CRYGS: variants seen among roughly 807,000 people sequenced by gnomAD.
CRYGS encodes gamma-crystallin S.
Under a neutral mutation model 21.3 loss-of-function variants are expected in CRYGS, and 13 were observed. That is an observed-to-expected ratio of 0.61 (90% CI 0.40 to 0.97). The LOEUF (loss-of-function observed/expected upper bound fraction) is 0.97. Among genes scored for constraint, CRYGS ranks in the 50% least tolerant of loss-of-function variants. The pLI is 0.00. For synonymous variants in CRYGS, 67 were observed against 75.0 expected, an observed-to-expected ratio of 0.89 and a Z score of 0.55; for missense variants, 205 against 229.7, an observed-to-expected ratio of 0.89 and a Z score of 0.69.
intron 1 of CRYGS, among the ~76,000 whole-genome samples, chr3:186,541,071 G>T (rs1714054029): frequency 6.6e-6 from 1 of 151,790 alleles, no homozygotes; most frequent in Admixed American, 6.6e-5. Flanking sequence ...AGATGATGAG[G>T]GCCAACCAAA....
Position 186,538,955 on chromosome 3 carries a change from T to C in CRYGS, c.278A>G (p.Gln93Arg), listed in dbSNP as rs753732120. The C allele has an allele frequency of 4.3e-6, 7 of 1,614,064 alleles. No homozygotes were observed. The highest frequency in any genetic ancestry group is 1.3e-5 in the African/African-American group (1 of 75,028). ...CRAVHLPSGG[Q>R]YKIQIFEKGD... ...TTTCTCAAAGATCTGAATCTTATACTGGCCTCCACTAGGCTGAAAAGACAC... is the reference window on the plus strand; with the variant it reads ...TTTCTCAAAGATCTGAATCTTATACCGGCCTCCACTAGGCTGAAAAGACAC... The change falls in exon 3 of 3, where the codon CAG becomes CGG. Residue 93 changes from glutamine to arginine, a missense_variant. By Grantham distance (43) the Gln-to-Arg change is conservative (BLOSUM62 1). Transcript: ENST00000307944.
chr3:186,543,113 T>G (rs1168971234), intron 1 of CRYGS, among the ~76,000 whole-genome samples: 1 of 152,186 alleles, frequency 6.6e-6, no homozygotes, highest in Admixed American at 6.5e-5. Context: ...GAGGAAACAA[T>G]TAGACAAATC....
Position 186,538,980 on chromosome 3 carries a change from C to A in CRYGS, c.265-12G>T, listed in dbSNP as rs367680173. The A allele has an allele frequency of 6.2e-7, 1 of 1,613,742 alleles. No individual in the cohort carries two copies. Among genetic ancestry groups the A allele is most frequent in the Admixed American group, 1.7e-5 (1 of 59,990 alleles). ...TGGCCTCCACTAGGCTGAAAAGACA[C>A]AGGAGAAAATGAACAGAAACCATTA... On this transcript the variant is annotated splice_polypyrimidine_tract_variant and intron_variant, in intron 2 of 2. Coordinates refer to ENST00000307944, the MANE Select transcript of CRYGS (RefSeq NM_017541.4).
chr3:186,541,700 TG>T (rs1714071895), intron 1 of CRYGS, among the ~76,000 whole-genome samples: 1 of 152,220 alleles, frequency 6.6e-6, no homozygotes, highest in Non-Finnish European at 1.5e-5. Flanking sequence ...GTTAAGTGAT[TG>T]GCCTAATGTC....
At chr3:186,543,598 T>C (rs2108745048) in intron 1 of CRYGS, among the ~76,000 whole-genome samples, 1 of 152,294 alleles carries the variant, frequency 6.6e-6, no homozygotes, top group South Asian at 2.1e-4. Flanking sequence ...TCATTCAACA[T>C]TTCTTTGCCA....
rs1338000430 is a variant in CRYGS at position 186,539,521 on chromosome 3, T to C, written c.98A>G (p.Tyr33Cys). The change falls in exon 2 of 3, where the codon TAC (tyrosine) becomes TGC (cysteine). Residue 33 changes from tyrosine to cysteine, a missense_variant. Transcript: ENST00000307944. ...TTTAATGGAGTTGCAGCGACTTAGG[T>C]ATGTGTGGAAATCTGCACAGTCGCA... ...CDCDCADFHT[Y>C]LSRCNSIKVE... The C allele has an allele frequency of 3.1e-6, 5 of 1,613,946 alleles. No homozygotes were observed. The highest frequency in any genetic ancestry group is 3.4e-6 in the Non-Finnish European group (4 of 1,179,996).
At position 186,538,896 on chromosome 3, in the gene CRYGS, C is replaced by T. The variant is rs776719315; in HGVS notation, c.337G>A (p.Glu113Lys). Reference sequence around the variant, plus strand: ...TGCTCCATGATGGAAGGGCAATCTTCGGTGGTTTCATACATCTGACCACTA... The same window carrying T: ...TGCTCCATGATGGAAGGGCAATCTTTGGTGGTTTCATACATCTGACCACTA... ...DFSGQMYETT[E>K]DCPSIMEQFH... The change falls in exon 3 of 3, where the codon GAA becomes AAA. Residue 113 changes from glutamate (E) to lysine (K), a missense_variant. Coordinates refer to ENST00000307944, the MANE Select transcript of CRYGS (RefSeq NM_017541.4). The T allele has an allele frequency of 8.9e-5, 144 of 1,613,938 alleles. No individual in the cohort carries two copies. The highest frequency in any genetic ancestry group is 1.1e-4 in the Non-Finnish European group (128 of 1,179,998).
intron 1 of CRYGS, among the ~76,000 whole-genome samples, chr3:186,543,747 A>G (rs919534122): frequency 6.6e-6 from 1 of 152,206 alleles, no homozygotes; most frequent in Non-Finnish European, 1.5e-5. Context: ...ACCTGAAAGA[A>G]TAATTTCCAA....
At chr3:186,540,632 TAAACTG>T (rs60431684) in intron 1 of CRYGS, 3,563 of 214,742 alleles carry the variant, frequency 0.017, 124 homozygotes, top group African/African-American at 0.079. Flanking sequence ...TGCTAGGTTA[TAAACTG>T]AAACCACAGG....
intron 1 of CRYGS, chr3:186,539,971 G>A (rs1411960654): frequency 3.7e-6 from 1 of 267,716 alleles, no homozygotes; most frequent in Non-Finnish European, 7.3e-6. Context: ...TTTTCCAAGG[G>A]CAAGTACCAA....
chr3:186,541,709 G>A (rs1430115867), intron 1 of CRYGS, among the ~76,000 whole-genome samples: 4 of 152,230 alleles, frequency 2.6e-5, no homozygotes, highest in Non-Finnish European at 5.9e-5. Flanking sequence ...TTGGCCTAAT[G>A]TCACTACCTA....
At chr3:186,540,949 TAAAGC>T (rs1714050900) in intron 1 of CRYGS, among the ~76,000 whole-genome samples, 1 of 152,082 alleles carries the variant, frequency 6.6e-6, no homozygotes, top group Non-Finnish European at 1.5e-5. Context: ...TACTAGAAAA[TAAAGC>T]CAGAAAAATG....
chr3:186,543,719 C>G lies in CRYGS; in HGVS notation c.21+587G>C, dbSNP rs550104451. Among the ~76,000 whole-genome samples, 352 of 152,206 alleles carry G rather than the reference C, an allele frequency of 2.3e-3. 2 individuals carry two copies. Among genetic ancestry groups the G allele is most frequent in the African/African-American group, 7.4e-3 (309 of 41,536 alleles). ...CAAAAAAGAAAATGAAAGCATATTC[C>G]CTCATTCCCAAAGCCCTACCTGAAA... is the stretch of plus-strand genomic sequence containing the variant. On this transcript the variant is annotated intron_variant, in intron 1 of 2. Coordinates refer to ENST00000307944, the MANE Select transcript of CRYGS (RefSeq NM_017541.4).
At chr3:186,542,377 T>C (rs572197583) in intron 1 of CRYGS, among the ~76,000 whole-genome samples, 2 of 152,364 alleles carry the variant, frequency 1.3e-5, no homozygotes, top group East Asian at 1.9e-4. Context: ...ATCCATGCTA[T>C]TGTCAGCCTA....
rs777887949 is a variant in CRYGS at position 186,539,444 on chromosome 3, T to C, written c.175A>G (p.Met59Val). ...VYERPNFAGY[M>V]YILPQGEYPE... ...TACTCTCCCTGTGGTAAGATGTACA[T>C]GTACCCAGCAAAGTTGGGCCTTTCA... Residue 59 changes from methionine (M) to valine (V), a missense_variant, in exon 2 of 3, where the codon ATG (methionine) becomes GTG (valine). Coordinates refer to ENST00000307944, the MANE Select transcript of CRYGS (RefSeq NM_017541.4). 6 of 1,612,692 alleles carry C rather than the reference T, an allele frequency of 3.7e-6. No homozygotes were observed. Among genetic ancestry groups the C allele is most frequent in the African/African-American group, 1.3e-5 (1 of 74,992 alleles).
In CRYGS at chr3:186,538,953, A is replaced by G; in HGVS notation, c.280T>C (p.Tyr94His). Residue 94 changes from tyrosine to histidine, a missense_variant, in exon 3 of 3, where the codon TAT (tyrosine) becomes CAT (histidine). Tyr to His is a moderately conservative substitution (Grantham distance 83, BLOSUM62 2). Transcript: ENST00000307944. ...RAVHLPSGGQYKIQIFEKGDF... is the reference protein window; with the variant it reads ...RAVHLPSGGQHKIQIFEKGDF... ...CCTTTCTCAAAGATCTGAATCTTAT[A>G]CTGGCCTCCACTAGGCTGAAAAGAC... The G allele has an allele frequency of 6.2e-7, 1 of 1,614,080 alleles. No homozygotes were observed.
chr3:186,539,494 A>G lies in CRYGS; in HGVS notation c.125T>C (p.Val42Ala), dbSNP rs772514521. 1.2e-6 allele frequency: 2 copies of G among 1,613,866 alleles called. No homozygotes were observed. Among genetic ancestry groups the G allele is most frequent in the Non-Finnish European group, 1.7e-6 (2 of 1,180,030 alleles). The change falls in exon 2 of 3, where the codon GTG becomes GCG. Residue 42 changes from valine to alanine, a missense_variant. Coordinates refer to ENST00000307944, the MANE Select transcript of CRYGS (RefSeq NM_017541.4). ...ATAAACAGCCCAGGTGCCTCCTTCC[A>G]CTTTAATGGAGTTGCAGCGACTTAG... The part of the protein sequence containing the change: ...TYLSRCNSIK[V>A]EGGTWAVYER...
chr3:186,541,903 A>G (rs949604495), intron 1 of CRYGS, among the ~76,000 whole-genome samples: 1 of 152,232 alleles, frequency 6.6e-6, no homozygotes, highest in South Asian at 2.1e-4. Context: ...GCTCTTCCTC[A>G]TGACCTGTGG....
chr3:186,544,277 G>A, intron 1 of CRYGS, 29 bp downstream of exon 1: 1 of 1,556,890 alleles, frequency 6.4e-7, no homozygotes. Context: ...TGAAAAGCGG[G>A]TAGGCTAAAA....
Sources: gnomAD v4.1 joint callset for allele counts (sites outside exome capture counted in the v4.1 genomes callset) on GRCh38, gnomAD v4.1.1 for gene constraint, MANE v1.5 for transcripts, NCBI Gene and HGNC (gene_info 2026-07-23, HGNC 2026-07-21) for gene names.